MAPK9: variants seen among roughly 807,000 people sequenced by gnomAD.
MAPK9 encodes the protein mitogen-activated protein kinase 9, also known as Jun kinase.
Under a neutral mutation model 57.1 loss-of-function variants are expected in MAPK9, and 30 were observed. The observed-to-expected ratio is 0.53, with a 90% CI of 0.39 to 0.71. The LOEUF (loss-of-function observed/expected upper bound fraction) is 0.71, where lower values mean the gene tolerates loss of function less well. Among genes scored for constraint, MAPK9 ranks in the 30% least tolerant of loss-of-function variants. The pLI, the probability that MAPK9 is intolerant of heterozygous loss-of-function variation, is 0.00. For synonymous variants in MAPK9, 155 were observed against 177.0 expected, an observed-to-expected ratio of 0.88 and a Z score of 0.99; for missense variants, 362 against 521.0, an observed-to-expected ratio of 0.69 and a Z score of 2.97.
At chr5:180,245,279 C>T (rs1212842800) in intron 7 of MAPK9, among the ~76,000 whole-genome samples, 2 of 152,158 alleles carry the variant, frequency 1.3e-5, no homozygotes, top group African/African-American at 4.8e-5. Context: ...CCCATCTCCC[C>T]GGCCACACCC....
intron 5 of MAPK9, among the ~76,000 whole-genome samples, chr5:180,254,292 C>A (rs547551384): frequency 6.6e-6 from 1 of 152,082 alleles, no homozygotes; most frequent in African/African-American, 2.4e-5. Context: ...AAACATGATC[C>A]AACCAGACAT....
intron 6 of MAPK9, 152 bp downstream of exon 6, chr5:180,248,821 A>T: frequency 2.8e-6 from 2 of 720,926 alleles, no homozygotes; most frequent in Non-Finnish European, 4.2e-6. Flanking sequence ...AAACACAATT[A>T]ATTATTTCTT....
chr5:180,260,844 A>G (rs747463628), intron 5 of MAPK9, among the ~76,000 whole-genome samples: 4 of 152,114 alleles, frequency 2.6e-5, no homozygotes, highest in Admixed American at 6.5e-5. Context: ...CACCTATTAC[A>G]TCAATTCCAT....
At chr5:180,244,100 C>T (rs962420478) in intron 7 of MAPK9, among the ~76,000 whole-genome samples, 10 of 152,148 alleles carry the variant, frequency 6.6e-5, no homozygotes, top group East Asian at 1.9e-4. Flanking sequence ...CTGCCTGCCT[C>T]GGCCTCCCAA....
intron 1 of MAPK9, among the ~76,000 whole-genome samples, chr5:180,283,490 G>T (rs1362180223): frequency 6.6e-6 from 1 of 152,176 alleles, no homozygotes; most frequent in Admixed American, 6.5e-5. Context: ...GGGACTGACA[G>T]ATCAATCTCA....
At position 180,235,407 on chromosome 5, in the gene MAPK9, G is replaced by T. The variant is rs1042984413; in HGVS notation, c.*977C>A. 1.7e-4 allele frequency: 26 copies of T among 152,314 alleles called. No homozygotes were observed. The highest frequency in any genetic ancestry group is 6.0e-4 in the African/African-American group (25 of 41,562). The allele number at this position is 152,314 out of a possible 1,614,324, so 9.4% of individuals were successfully genotyped here. A position where few individuals can be genotyped will look rare whatever the true frequency, so the allele number is the denominator to read the frequency against. The stretch of plus-strand genomic sequence containing the variant: ...AAATAAAGGACCCAGGCCAGTCTGT[G>T]GCAAAGGAAGCACTTAGGAAATGAC... On this transcript the variant is annotated 3_prime_UTR_variant, in exon 12 of 12. Transcript: ENST00000452135.
intron 4 of MAPK9, among the ~76,000 whole-genome samples, chr5:180,262,308 C>A (rs34280668): frequency 0.024 from 3,637 of 152,254 alleles, 67 homozygotes; most frequent in Non-Finnish European, 0.037. Flanking sequence ...ACAACAACAA[C>A]AAAAAGGACA....
Position 180,261,833 on chromosome 5 carries a change from A to G in MAPK9, c.312-11T>C, listed in dbSNP as rs1759995544. 2 of 1,593,284 alleles carry G rather than the reference A, an allele frequency of 1.3e-6. No individual in the cohort carries two copies. Among genetic ancestry groups the G allele is most frequent in the Non-Finnish European group, 1.7e-6 (2 of 1,171,992 alleles). ...TCCATAACCAAATACCTGAGGGAGA[A>G]AAGGTCAGTTATTTATTTGAAAATT... On this transcript the variant is annotated splice_polypyrimidine_tract_variant and intron_variant, in intron 4 of 11. Transcript: ENST00000452135.
intron 7 of MAPK9, among the ~76,000 whole-genome samples, chr5:180,243,504 T>G (rs1189964146): frequency 2.6e-5 from 4 of 152,084 alleles, no homozygotes; most frequent in Non-Finnish European, 5.9e-5. Flanking sequence ...GGATTACATG[T>G]GGGAAAGTGA....
chr5:180,250,312 C>T (rs1012220416), intron 5 of MAPK9, among the ~76,000 whole-genome samples: 5 of 152,224 alleles, frequency 3.3e-5, no homozygotes, highest in African/African-American at 4.8e-5. Flanking sequence ...TGCTGATCCT[C>T]CACCCTAGCC....
At chr5:180,249,538 G>A (rs1377087115) in intron 5 of MAPK9, among the ~76,000 whole-genome samples, 2 of 148,538 alleles carry the variant, frequency 1.3e-5, no homozygotes, top group African/African-American at 5.0e-5. Context: ...CAGCACACAC[G>A]GCCCCCTCCT....
chr5:180,265,714 G>A (rs1263740512), intron 3 of MAPK9, among the ~76,000 whole-genome samples: 2 of 152,152 alleles, frequency 1.3e-5, no homozygotes, highest in South Asian at 2.1e-4. Flanking sequence ...TGTAAACAGC[G>A]AGTCCCACGG....
chr5:180,247,345 G>T lies in MAPK9; in HGVS notation c.688+94C>A. 6.9e-7 allele frequency: 1 copy of T among 1,453,562 alleles called. No homozygotes were observed. Among genetic ancestry groups the T allele is most frequent in the Non-Finnish European group, 9.6e-7 (1 of 1,036,656 alleles). The allele number at this position is 1,453,562 out of a possible 1,614,324, so 90.0% of individuals were successfully genotyped here. On this transcript the variant is annotated intron_variant, in intron 7 of 11. Coordinates refer to ENST00000452135, the MANE Select transcript of MAPK9 (RefSeq NM_002752.5). This position sits in a 1 kb window ranked among gnomAD's most constrained non-coding sequence, Gnocchi z 4.5. ...GAACACAGTCTGGAGTGGATTTTACGACTTTGTCCTCGTGAGCGCTCGTGT... is the reference window on the plus strand; with the variant it reads ...GAACACAGTCTGGAGTGGATTTTACTACTTTGTCCTCGTGAGCGCTCGTGT...
chr5:180,278,742 C>G (rs989054443), intron 2 of MAPK9, among the ~76,000 whole-genome samples: 1 of 152,012 alleles, frequency 6.6e-6, no homozygotes, highest in Non-Finnish European at 1.5e-5. Flanking sequence ...TCTATAGCCA[C>G]AAACAACTCC....
intron 1 of MAPK9, among the ~76,000 whole-genome samples, chr5:180,283,083 G>A (rs943452872): frequency 6.6e-6 from 1 of 152,116 alleles, no homozygotes; most frequent in Non-Finnish European, 1.5e-5. Flanking sequence ...AAACATCAGA[G>A]GTGCGACACA....
intron 1 of MAPK9, among the ~76,000 whole-genome samples, chr5:180,285,740 A>G (rs6872534): frequency 0.067 from 10,171 of 151,230 alleles, 1,027 homozygotes; most frequent in African/African-American, 0.22. Context: ...CCTGGGCAAC[A>G]TGGTGAGGCT....
chr5:180,278,458 T>C (rs1762020717), intron 2 of MAPK9, among the ~76,000 whole-genome samples: 1 of 152,214 alleles, frequency 6.6e-6, no homozygotes, highest in East Asian at 1.9e-4. Context: ...TCCCAGCACT[T>C]TGGGAGGCCA....
At position 180,247,224 on chromosome 5, in the gene MAPK9, T is replaced by C. The variant is rs1010370911; in HGVS notation, c.688+215A>G. On this transcript the variant is annotated intron_variant, in intron 7 of 11. Coordinates refer to ENST00000452135, the MANE Select transcript of MAPK9 (RefSeq NM_002752.5). This position sits in a 1 kb window ranked among gnomAD's most constrained non-coding sequence, Gnocchi z 4.5. ...AATCGGTTTAACTGAACTCTAAGTCTCAAAGTCATCACAGGTAGTCAAGTT... is the reference window on the plus strand; with the variant it reads ...AATCGGTTTAACTGAACTCTAAGTCCCAAAGTCATCACAGGTAGTCAAGTT... 10 of 594,366 alleles carry C rather than the reference T, an allele frequency of 1.7e-5. No homozygotes were observed. Among genetic ancestry groups the C allele is most frequent in the Non-Finnish European group, 3.0e-5 (10 of 338,486 alleles). 36.8% of individuals were successfully genotyped at this position (594,366 alleles called of 1,614,324 possible).
chr5:180,263,311 C>T (rs1316123093), intron 4 of MAPK9, among the ~76,000 whole-genome samples: 4 of 152,178 alleles, frequency 2.6e-5, no homozygotes, highest in Admixed American at 2.0e-4. Flanking sequence ...CTCTTCCCCT[C>T]TCACCCTTCC....
Sources: gnomAD v4.1 joint callset for allele counts (sites outside exome capture counted in the v4.1 genomes callset) on GRCh38, gnomAD v4.1.1 for gene constraint, Gnocchi (gnomAD v3.1) non-coding constraint, MANE v1.5 for transcripts, NCBI Gene and HGNC (gene_info 2026-07-23, HGNC 2026-07-21) for gene names.